The following APP variants were observed in gnomAD, a reference collection of about 807,000 sequenced individuals.
APP encodes the protein amyloid-beta precursor protein.
Under a neutral mutation model 101.4 loss-of-function variants are expected in APP, and 31 were observed. The ratio of observed to expected loss-of-function variants is 0.31; its 90% CI spans 0.23 to 0.41. APP has a LOEUF of 0.41. Ranked by LOEUF, APP falls within the 10% of genes least tolerant of loss-of-function variation. The pLI is 1.00. For missense variants in APP, 839 were observed against 1,003.7 expected, an observed-to-expected ratio of 0.84 and a Z score of 2.22; for synonymous variants, 366 against 364.4, an observed-to-expected ratio of 1.00 and a Z score of -0.05.
intron 15 of APP, among the ~76,000 whole-genome samples, 192 bp downstream of exon 15, chr21:25,904,832 C>T (rs2038704778): frequency 6.6e-6 from 1 of 151,812 alleles, no homozygotes; most frequent in Non-Finnish European, 1.5e-5. Context: ...AAAATCATTT[C>T]ACTCGGAACT....
intron 17 of APP, among the ~76,000 whole-genome samples, chr21:25,882,737 A>G (rs947481583): frequency 4.6e-5 from 7 of 152,196 alleles, no homozygotes; most frequent in African/African-American, 1.7e-4. Context: ...CCATGGTAAG[A>G]TGAAGAGAAT....
chr21:26,030,583 T>C (rs118190874), intron 5 of APP, among the ~76,000 whole-genome samples: 1 of 152,342 alleles, frequency 6.6e-6, no homozygotes, highest in Non-Finnish European at 1.5e-5. Flanking sequence ...AAAGGCTAAA[T>C]TGCTTTTTTA....
intron 1 of APP, among the ~76,000 whole-genome samples, chr21:26,163,686 C>A (rs2063547447): frequency 6.6e-6 from 1 of 152,270 alleles, no homozygotes; most frequent in Non-Finnish European, 1.5e-5. Context: ...ATTATAATTA[C>A]ATGAGCTGGT....
In APP at chr21:25,880,590, T is replaced by C. The variant is rs1039318980; in HGVS notation, c.*1080A>G. 2 of 152,212 alleles carry C rather than the reference T, an allele frequency of 1.3e-5. No homozygotes were observed. The highest frequency in any genetic ancestry group is 4.8e-5 in the African/African-American group (2 of 41,462). 9.4% of individuals were successfully genotyped at this position (152,212 alleles called of 1,614,324 possible). Reference sequence around the variant, plus strand: ...GTATTTATTTACATGAAAACACCATTTTATACAAATTGAAGACACATCTTA... The same window carrying C: ...GTATTTATTTACATGAAAACACCATCTTATACAAATTGAAGACACATCTTA... On this transcript the variant is annotated 3_prime_UTR_variant, in exon 18 of 18. Coordinates refer to ENST00000346798, the MANE Select transcript of APP (RefSeq NM_000484.4).
At chr21:26,127,024 GTTA>G (rs2062699648) in intron 1 of APP, among the ~76,000 whole-genome samples, 1 of 151,142 alleles carries the variant, frequency 6.6e-6, no homozygotes, top group African/African-American at 2.4e-5. Flanking sequence ...TGTATCAAAA[GTTA>G]TTAACATTAA....
chr21:25,884,894 TCTCCTC>T (rs2037224890), intron 17 of APP, among the ~76,000 whole-genome samples: 3 of 152,224 alleles, frequency 2.0e-5, no homozygotes, highest in South Asian at 4.1e-4. Context: ...GATAGGTTTA[TCTCCTC>T]TTCAAACTCC....
chr21:26,018,544 ACTT>A (rs1201202936), intron 6 of APP, among the ~76,000 whole-genome samples: 2 of 152,110 alleles, frequency 1.3e-5, no homozygotes, highest in African/African-American at 2.4e-5. Context: ...TAAAACATCT[ACTT>A]CTTTACTGGA....
At chr21:26,066,961 A>G (rs1367552218) in intron 3 of APP, among the ~76,000 whole-genome samples, 4 of 152,240 alleles carry the variant, frequency 2.6e-5, no homozygotes, top group South Asian at 2.1e-4. Context: ...ACATAATTTG[A>G]TAAGAGATCA....
intron 1 of APP, among the ~76,000 whole-genome samples, chr21:26,118,770 C>T (rs2062494474): frequency 6.6e-6 from 1 of 151,914 alleles, no homozygotes; most frequent in Non-Finnish European, 1.5e-5. Flanking sequence ...CCACTCCTGA[C>T]CTCAAGTGAT....
At chr21:25,897,251 T>C (rs1488781360) in intron 16 of APP, among the ~76,000 whole-genome samples, 2 of 152,100 alleles carry the variant, frequency 1.3e-5, no homozygotes, top group Admixed American at 1.3e-4. Context: ...CAGCTGGGAC[T>C]ACAGGTGTTT....
intron 17 of APP, among the ~76,000 whole-genome samples, chr21:25,885,892 G>A (rs2037290662): frequency 6.6e-6 from 1 of 152,112 alleles, no homozygotes; most frequent in Non-Finnish European, 1.5e-5. Context: ...GATTCTATTT[G>A]GGTGACCTTA....
intron 6 of APP, among the ~76,000 whole-genome samples, chr21:26,001,610 C>T (rs543207913): frequency 5.3e-5 from 8 of 152,282 alleles, no homozygotes; most frequent in South Asian, 4.1e-4. Flanking sequence ...GTGATTCTTG[C>T]GCCTCAGCCT....
In APP at chr21:26,146,289, C is replaced by T. The variant is rs2063153195; in HGVS notation, c.57+24275G>A. Reference sequence around the variant, plus strand: ...AGGCAGAGGTTGCAGTGAGTCCAGACTGTGCCACTGTACTCCAAGCAAAGA... The same window carrying T: ...AGGCAGAGGTTGCAGTGAGTCCAGATTGTGCCACTGTACTCCAAGCAAAGA... On this transcript the variant is annotated intron_variant, in intron 1 of 17. Transcript: ENST00000346798. Among the ~76,000 whole-genome samples the T allele has an allele frequency of 5.3e-5, 8 of 152,230 alleles. No individual in the cohort carries two copies. The South Asian group carries it at 1.4e-3, about 28-fold the overall frequency.
At chr21:25,893,532 C>T (rs549687122) in intron 16 of APP, among the ~76,000 whole-genome samples, 16 of 152,298 alleles carry the variant, frequency 1.1e-4, no homozygotes, top group Admixed American at 5.2e-4. Flanking sequence ...ATTGCTGATA[C>T]GGAGAAAACT....
chr21:25,943,604 A>G (rs2040675541), intron 13 of APP, among the ~76,000 whole-genome samples: 1 of 151,718 alleles, frequency 6.6e-6, no homozygotes, highest in African/African-American at 2.4e-5. Context: ...ATGTGCCACC[A>G]TGCCCGGCTA....
At chr21:26,118,841 G>A (rs2062496237) in intron 1 of APP, among the ~76,000 whole-genome samples, 1 of 151,500 alleles carries the variant, frequency 6.6e-6, no homozygotes, top group African/African-American at 2.4e-5. Context: ...CGCCTGGCCT[G>A]TCTTTAAAGT....
chr21:26,021,812 G>C (rs561016245), intron 6 of APP, 28 bp downstream of exon 6: 8 of 1,609,966 alleles, frequency 5.0e-6, no homozygotes, highest in Middle Eastern at 1.7e-4. Context: ...CTTGGGGGTG[G>C]GGGGAATCCA....
chr21:26,022,169 G>C (rs2044371588), intron 5 of APP, 127 bp from the exon 6 acceptor site: 1 of 1,137,974 alleles, frequency 8.8e-7, no homozygotes, highest in Non-Finnish European at 1.3e-6. Context: ...AATTCAGCAG[G>C]TCTAAGTATA....
intron 6 of APP, among the ~76,000 whole-genome samples, chr21:26,002,160 T>C (rs1195016675): frequency 6.6e-6 from 1 of 152,232 alleles, no homozygotes; most frequent in African/African-American, 2.4e-5. Context: ...CGTTTCCATC[T>C]GAAAACCACG....
Sources: allele counts gnomAD v4.1 joint callset (sites outside exome capture counted in the v4.1 genomes callset), GRCh38; gene constraint gnomAD v4.1.1; transcripts MANE v1.5; gene names NCBI Gene and HGNC (gene_info 2026-07-23, HGNC 2026-07-21).